ATIC: variants seen among roughly 807,000 people sequenced by gnomAD.
ATIC encodes bifunctional purine biosynthesis protein ATIC.
In ATIC, 64 loss-of-function variants were observed where a neutral mutation model predicts 72.5. The ratio of observed to expected loss-of-function variants is 0.88; its 90% CI spans 0.72 to 1.09. The LOEUF is 1.09. Ranked by LOEUF, ATIC falls within the 50% of genes least tolerant of loss-of-function variation. The pLI is 0.00. For synonymous variants in ATIC, 281 were observed against 267.1 expected (o/e 1.05, Z -0.51); for missense variants, 787 against 732.4 (o/e 1.07, Z -0.86).
At chr2:215,320,476 G>A (rs1043732036) in intron 4 of ATIC, among the ~76,000 whole-genome samples, 3 of 152,250 alleles carry the variant, frequency 2.0e-5, no homozygotes, top group Admixed American at 2.0e-4. Flanking sequence ...TATAATCACA[G>A]TGGAAAGCAG....
At chr2:215,347,100 A>T (rs73089332) in intron 14 of ATIC, 159 bp downstream of exon 14, 13,195 of 971,510 alleles carry the variant, frequency 0.014, 380 homozygotes, top group African/African-American at 0.091. Context: ...CACATTTCTC[A>T]TGTTCTTCTG....
rs779788122 is a variant in ATIC at position 215,336,113 on chromosome 2, T to G, written c.1087T>G (p.Cys363Gly). The change falls in exon 11 of 16, where the codon TGT becomes GGT. Residue 363 changes from cysteine (C) to glycine (G), a missense_variant. By Grantham distance (159) the Cys-to-Gly change is radical. Transcript: ENST00000236959. The part of the protein sequence containing the change: ...ILSKKKNGNY[C>G]VLQMDQSYKP... ...TTCCAAAAAGAAAAATGGAAACTAT[T>G]GTGTCCTTCAGGTGAGTGCAATTCA... The G allele has an allele frequency of 9.3e-6, 15 of 1,611,090 alleles. 1 individual carries two copies. In the South Asian group the frequency reaches 1.6e-4, roughly 18 times the overall value.
downstream of ATIC, among the ~76,000 whole-genome samples, chr2:215,353,782 G>A (rs1159184987): frequency 1.3e-5 from 2 of 152,028 alleles, no homozygotes; most frequent in African/African-American, 2.4e-5. Flanking sequence ...GGCTGGTCTC[G>A]AACTCCTGAC....
chr2:215,325,953 A>G (rs371767211), intron 5 of ATIC, 34 bp from the exon 6 acceptor site: 37 of 1,611,994 alleles, frequency 2.3e-5, no homozygotes, highest in African/African-American at 1.3e-5. Flanking sequence ...TGATAGGGAC[A>G]TACAAAAATC....
At chr2:215,337,331 C>G (rs1456724226) in intron 11 of ATIC, among the ~76,000 whole-genome samples, 2 of 152,204 alleles carry the variant, frequency 1.3e-5, no homozygotes, top group East Asian at 3.9e-4. Flanking sequence ...GATTCCATGT[C>G]AGCTATTTAA....
intron 2 of ATIC, among the ~76,000 whole-genome samples, chr2:215,317,033 G>A (rs940990905): frequency 6.6e-6 from 1 of 152,186 alleles, no homozygotes; most frequent in Admixed American, 6.5e-5. Flanking sequence ...AAAGTGCTGG[G>A]ATTACAGGTG....
At position 215,346,946 on chromosome 2, in the gene ATIC, A is replaced by G; in HGVS notation, c.1503+5A>G. 1.2e-6 allele frequency: 2 copies of G among 1,614,136 alleles called. No homozygotes were observed. The highest frequency in any genetic ancestry group is 8.5e-7 in the Non-Finnish European group (1 of 1,179,992). Reference sequence around the variant, plus strand: ...GTGACTGGAACCATTGGCGAGGTGAAAGACTTGGCATTGGGTTCTCGGCTG... The same window carrying G: ...GTGACTGGAACCATTGGCGAGGTGAGAGACTTGGCATTGGGTTCTCGGCTG... On this transcript the variant is annotated splice_donor_5th_base_variant and intron_variant, in intron 14 of 15. Transcript: ENST00000236959.
At chr2:215,364,778 TC>T in the ATIC span, 15 of 778,438 alleles carry the variant, frequency 1.9e-5, no homozygotes, top group South Asian at 2.9e-5. Flanking sequence ...TTTTAATACT[TC>T]CGAAGGGTCT....
intron 7 of ATIC, among the ~76,000 whole-genome samples, chr2:215,328,885 T>G (rs1335777960): frequency 1.3e-5 from 2 of 151,918 alleles, no homozygotes; most frequent in Non-Finnish European, 2.9e-5. Context: ...ACCTGGCTAA[T>G]TTTGTATTTT....
At chr2:215,319,829 T>G in intron 4 of ATIC, 98 bp downstream of exon 4, 1 of 973,278 alleles carries the variant, frequency 1.0e-6, no homozygotes, top group Non-Finnish European at 1.6e-6. Flanking sequence ...CTATAAACCT[T>G]TACTGCGTAC....
At chr2:215,324,209 T>A (rs1490640510) in intron 4 of ATIC, among the ~76,000 whole-genome samples, 1 of 152,240 alleles carries the variant, frequency 6.6e-6, no homozygotes, top group African/African-American at 2.4e-5. Flanking sequence ...TTGTCTTGTT[T>A]CTGAGTTGAG....
intron 11 of ATIC, among the ~76,000 whole-genome samples, chr2:215,337,201 C>G (rs1343994046): frequency 1.3e-5 from 2 of 151,654 alleles, no homozygotes; most frequent in Non-Finnish European, 2.9e-5. Flanking sequence ...GTAAAAATTC[C>G]TAATGCTACT....
At chr2:215,348,886 A>T (rs1465209545) in intron 14 of ATIC, 1 of 334,672 alleles carries the variant, frequency 3.0e-6, no homozygotes, top group Non-Finnish European at 5.3e-6. Context: ...TGAACCTGGG[A>T]GGTGGAGGTT....
intron 8 of ATIC, among the ~76,000 whole-genome samples, chr2:215,332,741 A>G (rs1188119498): frequency 6.6e-6 from 1 of 152,200 alleles, no homozygotes; most frequent in Non-Finnish European, 1.5e-5. Context: ...TGGAACCATA[A>G]AAGTTTAGAA....
At chr2:215,315,832 G>A (rs1253832005) in intron 2 of ATIC, among the ~76,000 whole-genome samples, 3 of 151,338 alleles carry the variant, frequency 2.0e-5, no homozygotes, top group African/African-American at 7.3e-5. Flanking sequence ...GCGTGCACCT[G>A]TAATCCCAGC....
At chr2:215,368,491 G>T in the ATIC span, among the ~76,000 whole-genome samples, 1 of 152,112 alleles carries the variant, frequency 6.6e-6, no homozygotes, top group African/African-American at 2.4e-5. Flanking sequence ...ATCTTGTGAA[G>T]ATTATATAAG....
intron 14 of ATIC, chr2:215,348,683 C>A: frequency 2.3e-6 from 1 of 426,356 alleles, no homozygotes; most frequent in Admixed American, 2.7e-5. Flanking sequence ...GAAATCCTGG[C>A]CGGGCGCGGT....
At chr2:215,367,795 G>A in the ATIC span, 2 of 1,490,502 alleles carry the variant, frequency 1.3e-6, no homozygotes, top group African/African-American at 1.4e-5. Context: ...TGCTTCCTTG[G>A]CACATGAGTG....
chr2:215,352,133 A>G (rs984912929), downstream of ATIC, among the ~76,000 whole-genome samples: 4 of 152,226 alleles, frequency 2.6e-5, no homozygotes, highest in Non-Finnish European at 5.9e-5. Context: ...CAAAAAAAGG[A>G]CATTAGGTAA....
Sources: gnomAD v4.1 joint callset for allele counts (sites outside exome capture counted in the v4.1 genomes callset) on GRCh38, gnomAD v4.1.1 for gene constraint, MANE v1.5 for transcripts, NCBI Gene and HGNC (gene_info 2026-07-23, HGNC 2026-07-21) for gene names.